COL8A1: variants seen among roughly 807,000 people sequenced by gnomAD.
The protein encoded by COL8A1 is collagen alpha-1(VIII) chain.
Under a neutral mutation model 42.7 loss-of-function variants are expected in COL8A1, and 21 were observed. The observed-to-expected ratio is 0.49, with a 90% confidence interval of 0.35 to 0.71. The LOEUF (loss-of-function observed/expected upper bound fraction) is 0.71, where lower values mean the gene tolerates loss of function less well. COL8A1 is among the 30% of genes least tolerant of loss of function. The pLI is 0.01. For missense variants in COL8A1, 788 were observed against 962.4 expected, an observed-to-expected ratio of 0.82 and a Z score of 2.40; for synonymous variants, 367 against 369.1, an observed-to-expected ratio of 0.99 and a Z score of 0.06.
At chr3:99,668,799 C>A (rs980065630) in intron 1 of COL8A1, among the ~76,000 whole-genome samples, 1 of 152,064 alleles carries the variant, frequency 6.6e-6, no homozygotes, top group Admixed American at 6.6e-5. Flanking sequence ...GTATCAGCTT[C>A]TGTTGATACA....
At chr3:99,746,681 A>G (rs536549207) in intron 2 of COL8A1, among the ~76,000 whole-genome samples, 14 of 152,352 alleles carry the variant, frequency 9.2e-5, no homozygotes, top group Non-Finnish European at 1.9e-4. Context: ...TTTTTAAACT[A>G]GGGTGCAAAA....
At chr3:99,708,088 T>A (rs970842998) in intron 1 of COL8A1, among the ~76,000 whole-genome samples, 1 of 152,142 alleles carries the variant, frequency 6.6e-6, no homozygotes, top group Non-Finnish European at 1.5e-5. Context: ...ACAACACACA[T>A]TCCAGAGACT....
chr3:99,765,061 GA>G (rs1941436837), intron 2 of COL8A1, among the ~76,000 whole-genome samples: 1 of 152,078 alleles, frequency 6.6e-6, no homozygotes, highest in East Asian at 1.9e-4. Flanking sequence ...ATAGTTAACA[GA>G]AAAAAATAAC....
At chr3:99,667,940 A>T (rs761761977) in intron 1 of COL8A1, among the ~76,000 whole-genome samples, 28 of 151,818 alleles carry the variant, frequency 1.8e-4, no homozygotes, top group Non-Finnish European at 3.2e-4. Context: ...CTGATTTCAT[A>T]AAAAAAATTA....
At chr3:99,751,117 T>G (rs905234456) in intron 2 of COL8A1, among the ~76,000 whole-genome samples, 6 of 152,184 alleles carry the variant, frequency 3.9e-5, no homozygotes, top group Admixed American at 2.6e-4. Context: ...TACTAAAATT[T>G]TACTACAAAG....
intron 1 of COL8A1, among the ~76,000 whole-genome samples, chr3:99,663,289 C>CCGAG: frequency 6.6e-6 from 1 of 152,282 alleles, no homozygotes; most frequent in South Asian, 2.1e-4. Context: ...CCTCAGCCTC[C>CCGAG]CGAGCAGCTG....
rs566545901 is a variant in COL8A1 at position 99,677,145 on chromosome 3, C to CAT, written c.-129+38493_-129+38494dup. 5.6e-3 allele frequency among the ~76,000 whole-genome samples: 841 copies of CAT among 150,642 alleles called. 6 individuals carry two copies. Among genetic ancestry groups the CAT allele is most frequent in the African/African-American group, 0.016 (678 of 41,126 alleles). ...TAATTATATATAAACACATCAATTA[C>CAT]ATATATATATATAAGCACATCAATT... On this transcript the variant is annotated intron_variant, in intron 1 of 3. Transcript: ENST00000652472.
In COL8A1 at chr3:99,728,093, A is replaced by G. The variant is rs812076; in HGVS notation, c.-128-16804A>G. Among the ~76,000 whole-genome samples, 943 of 151,604 alleles carry G rather than the reference A, an allele frequency of 6.2e-3. 15 individuals are homozygous for G. Among genetic ancestry groups the G allele is most frequent in the African/African-American group, 0.022 (889 of 41,192 alleles). On this transcript the variant is annotated intron_variant, in intron 1 of 3. Coordinates refer to ENST00000652472, the MANE Select transcript of COL8A1 (RefSeq NM_020351.4). ...TTGAAAACTGGCACAAGACAGGGAT[A>G]CCCTCTCTCACCACTCCTATTCAAC...
At chr3:99,732,586 C>T (rs2107386045) in intron 1 of COL8A1, among the ~76,000 whole-genome samples, 1 of 152,164 alleles carries the variant, frequency 6.6e-6, no homozygotes, top group South Asian at 2.1e-4. Context: ...AATTACCTTC[C>T]CCTGGGTCCC....
At chr3:99,738,996 G>A (rs1220025517) in intron 1 of COL8A1, among the ~76,000 whole-genome samples, 2 of 152,176 alleles carry the variant, frequency 1.3e-5, no homozygotes, top group Admixed American at 1.3e-4. Context: ...TCCAGGTGCT[G>A]TCCGTCACCC....
At chr3:99,756,581 T>G (rs570842405) in intron 2 of COL8A1, among the ~76,000 whole-genome samples, 1 of 152,188 alleles carries the variant, frequency 6.6e-6, no homozygotes, top group Non-Finnish European at 1.5e-5. Context: ...AAAAAGAATG[T>G]TAAATATCGG....
At chr3:99,668,446 A>G (rs1439392200) in intron 1 of COL8A1, among the ~76,000 whole-genome samples, 1 of 152,186 alleles carries the variant, frequency 6.6e-6, no homozygotes, top group Non-Finnish European at 1.5e-5. Context: ...TATTCTTGCC[A>G]TAACTACACA....
chr3:99,732,234 AT>A (rs1940531391), intron 1 of COL8A1, among the ~76,000 whole-genome samples: 1 of 152,196 alleles, frequency 6.6e-6, no homozygotes, highest in Non-Finnish European at 1.5e-5. Context: ...TACTCAGCTC[AT>A]TTTCCTTATA....
Position 99,790,298 on chromosome 3 carries a change from C to T in COL8A1, c.-3-382C>T, listed in dbSNP as rs551661941. 3.3e-5 allele frequency among the ~76,000 whole-genome samples: 5 copies of T among 152,144 alleles called. No homozygotes were observed. In the East Asian group the frequency reaches 9.6e-4, roughly 29 times the overall value. On this transcript the variant is annotated intron_variant, in intron 2 of 3. Transcript: ENST00000652472. The stretch of plus-strand genomic sequence containing the variant: ...TTAGGATTCTTCCTGGAAGGTACAC[C>T]CATGACAACTATACACAATTGGCAA...
chr3:99,773,815 G>GTATATATATATATATATATTA (rs58805519), intron 2 of COL8A1, among the ~76,000 whole-genome samples: 2 of 35,900 alleles, frequency 5.6e-5, no homozygotes, highest in African/African-American at 2.2e-4. Flanking sequence ...ATATATGTGT[G>GTATATATATATATATATATTA]TATATATATA....
Position 99,638,612 on chromosome 3 carries a change from G to C in COL8A1, c.-181G>C, listed in dbSNP as rs1392846673. ...CAGCAGCGGATCACAGCCCTTCCCCGATCCTCTCCGTGGGAGCCAGCGAGC... is the reference window on the plus strand; with the variant it reads ...CAGCAGCGGATCACAGCCCTTCCCCCATCCTCTCCGTGGGAGCCAGCGAGC... On this transcript the variant is annotated 5_prime_UTR_variant, in exon 1 of 4. Coordinates refer to ENST00000652472, the MANE Select transcript of COL8A1 (RefSeq NM_020351.4). 1 of 152,294 alleles carries C rather than the reference G, an allele frequency of 6.6e-6. No homozygotes were observed. The highest frequency in any genetic ancestry group is 6.6e-5 in the Admixed American group (1 of 15,266). The allele number at this position is 152,294 out of a possible 1,614,324, so 9.4% of individuals were successfully genotyped here.
chr3:99,798,575 CTTAT>C lies in COL8A1; in HGVS notation c.*2445_*2448del, dbSNP rs1483427083. On this transcript the variant is annotated 3_prime_UTR_variant, in exon 4 of 4. Coordinates refer to ENST00000652472, the MANE Select transcript of COL8A1 (RefSeq NM_020351.4). ...TTTCACTTTTCAAAATATCTTCCAACTTATTTATTGGTTGTCACTCAATTGCCTA... is the reference window on the plus strand; with the variant it reads ...TTTCACTTTTCAAAATATCTTCCAACTTATTGGTTGTCACTCAATTGCCTA... The C allele has an allele frequency of 6.6e-6, 1 of 151,740 alleles. No individual in the cohort carries two copies. The highest frequency in any genetic ancestry group is 1.5e-5 in the Non-Finnish European group (1 of 67,992). The allele number at this position is 151,740 out of a possible 1,614,324, so 9.4% of individuals were successfully genotyped here.
chr3:99,737,918 C>T (rs1160344492), intron 1 of COL8A1, among the ~76,000 whole-genome samples: 3 of 151,180 alleles, frequency 2.0e-5, no homozygotes, highest in Admixed American at 6.6e-5. Flanking sequence ...GGAGGCTTTG[C>T]TCATTTCTTT....
chr3:99,692,556 C>G (rs1939251061), intron 1 of COL8A1, among the ~76,000 whole-genome samples: 1 of 152,142 alleles, frequency 6.6e-6, no homozygotes, highest in African/African-American at 2.4e-5. Context: ...GTAACAAAAC[C>G]ATTTGAATGA....
Sources: allele counts gnomAD v4.1 joint callset (sites outside exome capture counted in the v4.1 genomes callset), GRCh38; gene constraint gnomAD v4.1.1; transcripts MANE v1.5; gene names NCBI Gene and HGNC (gene_info 2026-07-23, HGNC 2026-07-21).